IRAG1: variants seen among roughly 807,000 people sequenced by gnomAD.
IRAG1 encodes the protein IP3R-associated cGMP kinase substrate.
In IRAG1, 62 loss-of-function variants were observed where a neutral mutation model predicts 106.2. That is an observed-to-expected ratio of 0.58 (90% CI 0.48 to 0.72). IRAG1 has a LOEUF of 0.72. IRAG1 is among the 30% of genes least tolerant of loss of function. The pLI, the probability that IRAG1 is intolerant of heterozygous loss-of-function variation, is 0.00. For missense variants in IRAG1, 1,064 were observed against 1,140.7 expected (o/e 0.93, Z 0.97); for synonymous variants, 462 against 443.9 (o/e 1.04, Z -0.51).
chr11:10,583,667 G>A (rs1851624357), intron 18 of IRAG1, among the ~76,000 whole-genome samples: 1 of 152,170 alleles, frequency 6.6e-6, no homozygotes, highest in South Asian at 2.1e-4. Flanking sequence ...ATGCACATTT[G>A]AATGTAGGTA....
chr11:10,674,579 C>T (rs1051182825), intron 1 of IRAG1, among the ~76,000 whole-genome samples: 7 of 152,192 alleles, frequency 4.6e-5, no homozygotes, highest in Non-Finnish European at 8.8e-5. Context: ...TCTGGGCTTT[C>T]AGCTGGAAAC....
intron 18 of IRAG1, among the ~76,000 whole-genome samples, chr11:10,583,533 G>T (rs1393663999): frequency 6.6e-6 from 1 of 152,184 alleles, no homozygotes; most frequent in Non-Finnish European, 1.5e-5. Context: ...TGGGAGCCAA[G>T]CACAGGTTTA....
chr11:10,605,893 G>A (rs560183806), intron 12 of IRAG1, among the ~76,000 whole-genome samples: 1 of 152,332 alleles, frequency 6.6e-6, no homozygotes, highest in East Asian at 1.9e-4. Context: ...TCTGAATTCA[G>A]TGAGAACACT....
At chr11:10,634,637 A>G (rs1856996933) in intron 2 of IRAG1, among the ~76,000 whole-genome samples, 1 of 152,130 alleles carries the variant, frequency 6.6e-6, no homozygotes, top group African/African-American at 2.4e-5. Flanking sequence ...AAGTGAGATC[A>G]TGCAGTATTG....
intron 18 of IRAG1, chr11:10,586,182 G>A (rs999859229): frequency 1.3e-5 from 2 of 152,186 alleles, no homozygotes; most frequent in Admixed American, 6.5e-5. Flanking sequence ...GGTGGGTAGG[G>A]GGGAGTGGAG....
Position 10,604,468 on chromosome 11 carries a change from C to T in IRAG1, c.1680G>A (p.Arg560=). 1 of 1,614,016 alleles carries T rather than the reference C, an allele frequency of 6.2e-7. No homozygotes were observed. The highest frequency in any genetic ancestry group is 8.5e-7 in the Non-Finnish European group (1 of 1,179,904). Residue 560 remains arginine, a synonymous_variant, in exon 13 of 21, where the codon AGG becomes AGA. Coordinates refer to ENST00000423302, the MANE Select transcript of IRAG1 (RefSeq NM_130385.4). ...TLESRINQAE[R]ERNLTEENTE... ...TGTTCTCCTCTGTCAGGTTGCGTTCCCTTTCAGCCTGGTTAATTCTAGATT... is the reference window on the plus strand; with the variant it reads ...TGTTCTCCTCTGTCAGGTTGCGTTCTCTTTCAGCCTGGTTAATTCTAGATT...
chr11:10,660,078 A>C (rs1859274674), intron 1 of IRAG1, among the ~76,000 whole-genome samples: 1 of 152,168 alleles, frequency 6.6e-6, no homozygotes, highest in Non-Finnish European at 1.5e-5. Context: ...GACTTTAGAG[A>C]GTCACTAAGC....
In IRAG1 at chr11:10,693,525, G is replaced by T. The variant is rs1408062735; in HGVS notation, c.67+11C>A. Reference sequence around the variant, plus strand: ...AGAGGCAGGTTATTCTAGGATATAGGGGAGGCTTACCTAAAACTGAGTTAT... The same window carrying T: ...AGAGGCAGGTTATTCTAGGATATAGTGGAGGCTTACCTAAAACTGAGTTAT... On this transcript the variant is annotated intron_variant, in intron 1 of 20. Coordinates refer to ENST00000423302, the MANE Select transcript of IRAG1 (RefSeq NM_130385.4). The T allele has an allele frequency of 6.5e-7, 1 of 1,535,570 alleles. No homozygotes were observed. The highest frequency in any genetic ancestry group is 8.7e-7 in the Non-Finnish European group (1 of 1,146,840).
chr11:10,660,444 C>T (rs1006360991), intron 1 of IRAG1, among the ~76,000 whole-genome samples: 3 of 152,278 alleles, frequency 2.0e-5, no homozygotes, highest in African/African-American at 7.2e-5. Context: ...GAGTTAGTAG[C>T]TTGCCATTGG....
intron 10 of IRAG1, among the ~76,000 whole-genome samples, chr11:10,623,494 C>A (rs79909758): frequency 6.6e-4 from 100 of 152,116 alleles, no homozygotes; most frequent in African/African-American, 2.4e-3. Context: ...CCTGGGTGTA[C>A]GAGGAAAAGG....
intron 5 of IRAG1, 29 bp downstream of exon 5, chr11:10,629,509 G>A: frequency 1.2e-6 from 2 of 1,602,836 alleles, no homozygotes; most frequent in South Asian, 2.2e-5. Flanking sequence ...GGGGCTCAGG[G>A]CAGCCACCTG....
intron 15 of IRAG1, among the ~76,000 whole-genome samples, chr11:10,597,636 C>T (rs947617646): frequency 1.3e-5 from 2 of 152,188 alleles, no homozygotes; most frequent in African/African-American, 2.4e-5. Flanking sequence ...GGATTACAGA[C>T]GTGAGCCACT....
chr11:10,693,326 G>A (rs1589995247), intron 1 of IRAG1: 1 of 984,092 alleles, frequency 1.0e-6, no homozygotes, highest in East Asian at 3.0e-5. Context: ...ATCTAGTTAA[G>A]TTAGGACTGG....
chr11:10,670,501 G>T (rs1860133906), intron 1 of IRAG1, among the ~76,000 whole-genome samples: 1 of 152,122 alleles, frequency 6.6e-6, no homozygotes, highest in South Asian at 2.1e-4. Flanking sequence ...ACGGTGAATT[G>T]GTTATTTAAC....
intron 16 of IRAG1, 39 bp downstream of exon 16, chr11:10,594,107 C>T (rs1436326863): frequency 1.3e-6 from 2 of 1,567,586 alleles, no homozygotes; most frequent in East Asian, 2.3e-5. Flanking sequence ...TTCTGTCATA[C>T]TCCTTCCAGG....
intron 11 of IRAG1, among the ~76,000 whole-genome samples, chr11:10,607,471 C>T (rs576787333): frequency 2.2e-4 from 33 of 152,368 alleles, no homozygotes; most frequent in Non-Finnish European, 4.0e-4. Context: ...ACAGCCAGGG[C>T]TCTCCAGCTA....
Position 10,606,327 on chromosome 11 carries a change from T to G in IRAG1, c.1602+415A>C, listed in dbSNP as rs556120539. Among the ~76,000 whole-genome samples, 6 of 152,334 alleles carry G rather than the reference T, an allele frequency of 3.9e-5. No individual in the cohort carries two copies. The South Asian group carries it at 1.0e-3, about 26-fold the overall frequency. ...CGGCTCCGCTGAGCTGGCATTCTTG[T>G]AGCTGAAACCCTGAGGAGGCCAGCC... On this transcript the variant is annotated intron_variant, in intron 12 of 20. Transcript: ENST00000423302.
intron 1 of IRAG1, among the ~76,000 whole-genome samples, chr11:10,669,557 G>GATC (rs1487004514): frequency 6.6e-6 from 1 of 152,212 alleles, no homozygotes; most frequent in African/African-American, 2.4e-5. Context: ...CCCTAAAGTA[G>GATC]ATCTTCAGAA....
In IRAG1 at chr11:10,626,525, C is replaced by A. The variant is rs766866366; in HGVS notation, c.809G>T (p.Gly270Val). Residue 270 changes from glycine to valine, a missense_variant, in exon 9 of 21, where the codon GGC becomes GTC. By Grantham distance (109) the Gly-to-Val change is moderately radical. Transcript: ENST00000423302. ...TGGAGGAGGACGAGGAGCCAGCCTG[C>A]CCTGAGACACTTTCCTCTGGTCATT... ...KQNDQRKVSQGRLAPRPPPVE... is the reference protein window; with the variant it reads ...KQNDQRKVSQVRLAPRPPPVE... The A allele has an allele frequency of 2.5e-6, 4 of 1,613,202 alleles. No homozygotes were observed. The Middle Eastern group carries it at 5.0e-4, about 200-fold the overall frequency.
Sources: gnomAD v4.1 joint callset for allele counts (sites outside exome capture counted in the v4.1 genomes callset) on GRCh38, gnomAD v4.1.1 for gene constraint, MANE v1.5 for transcripts, NCBI Gene and HGNC (gene_info 2026-07-23, HGNC 2026-07-21) for gene names.